Variants in LDLRAD4 observed in about 807,000 individuals in gnomAD.
LDLRAD4 encodes low density lipoprotein receptor class A domain containing 4.
A neutral mutation model predicts 17.0 loss-of-function variants in LDLRAD4; 5 were observed. That is an observed-to-expected ratio of 0.29 (90% confidence interval 0.15 to 0.62). The LOEUF (loss-of-function observed/expected upper bound fraction) is 0.62, where lower values mean the gene tolerates loss of function less well. Ranked by LOEUF, LDLRAD4 falls within the 20% of genes least tolerant of loss-of-function variation. LDLRAD4 has a pLI of 0.84. For missense variants in LDLRAD4, 340 were observed against 424.7 expected, an observed-to-expected ratio of 0.80 and a Z score of 1.75; for synonymous variants, 168 against 171.8, an observed-to-expected ratio of 0.98 and a Z score of 0.17.
chr18:13,246,661 GAA>G (rs1443075830), intron 1 of LDLRAD4, among the ~76,000 whole-genome samples: 2 of 152,238 alleles, frequency 1.3e-5, no homozygotes, highest in African/African-American at 4.8e-5. Flanking sequence ...CATGGGCTTA[GAA>G]TCCCCTGTTT....
chr18:13,270,855 G>A (rs1414314582), intron 1 of LDLRAD4, among the ~76,000 whole-genome samples: 1 of 152,148 alleles, frequency 6.6e-6, no homozygotes, highest in African/African-American at 2.4e-5. Context: ...AAATTAAAAA[G>A]TTATACATGT....
chr18:13,430,404 T>C (rs2090252152), intron 2 of LDLRAD4, among the ~76,000 whole-genome samples: 1 of 152,198 alleles, frequency 6.6e-6, no homozygotes, highest in African/African-American at 2.4e-5. Context: ...CACAGTTGAC[T>C]TTCCATCACT....
At chr18:13,598,989 C>G (rs1177321599) in intron 3 of LDLRAD4, among the ~76,000 whole-genome samples, 2 of 152,218 alleles carry the variant, frequency 1.3e-5, no homozygotes, top group African/African-American at 2.4e-5. Flanking sequence ...TATCATTAGC[C>G]TGCCATTCCT....
intron 2 of LDLRAD4, among the ~76,000 whole-genome samples, chr18:13,426,874 G>A (rs1462805690): frequency 2.0e-5 from 3 of 152,218 alleles, no homozygotes; most frequent in African/African-American, 7.2e-5. Flanking sequence ...CGCCCTATGA[G>A]GTCAGTGAGG....
chr18:13,309,660 T>G (rs2047116765), intron 1 of LDLRAD4, among the ~76,000 whole-genome samples: 1 of 152,182 alleles, frequency 6.6e-6, no homozygotes, highest in African/African-American at 2.4e-5. Flanking sequence ...CCTTGATCAC[T>G]TAAAATAAGA....
At chr18:13,477,096 G>A (rs1251611914) in intron 3 of LDLRAD4, among the ~76,000 whole-genome samples, 4 of 151,810 alleles carry the variant, frequency 2.6e-5, no homozygotes, top group East Asian at 1.9e-4. Context: ...AGTAATTTTG[G>A]TGGAATTTTT....
intron 3 of LDLRAD4, among the ~76,000 whole-genome samples, chr18:13,482,106 C>T (rs547257700): frequency 4.6e-5 from 7 of 152,138 alleles, no homozygotes; most frequent in South Asian, 2.1e-4. Context: ...GGAAGGCCAA[C>T]GCTGCCTTCC....
At chr18:13,611,927 A>G in intron 3 of LDLRAD4, 2 of 985,248 alleles carry the variant, frequency 2.0e-6, no homozygotes, top group Non-Finnish European at 2.4e-6. Context: ...CCAGAAGAGG[A>G]CAGCCCGCAG....
chr18:13,621,302 T>A lies in LDLRAD4; in HGVS notation c.336+31T>A. 1 of 1,571,602 alleles carries A rather than the reference T, an allele frequency of 6.4e-7. No individual in the cohort carries two copies. ...TACCCTGGCCGCCCCGGCTCCAGAG[T>A]CAGGCAGCTGCAAGAGGCTTAGGAG... On this transcript the variant is annotated intron_variant, in intron 4 of 5. Transcript: ENST00000359446. The surrounding 1 kb of genome is among the most constrained non-coding windows in gnomAD (Gnocchi z 5.5).
intron 3 of LDLRAD4, among the ~76,000 whole-genome samples, chr18:13,585,715 C>T (rs1197778018): frequency 3.3e-5 from 5 of 152,162 alleles, no homozygotes; most frequent in African/African-American, 1.2e-4. Flanking sequence ...CAAATGTAAG[C>T]ACAATTGCTA....
At chr18:13,240,124 C>A (rs1376504472) in intron 1 of LDLRAD4, 1 of 152,216 alleles carries the variant, frequency 6.6e-6, no homozygotes, top group Admixed American at 6.5e-5. Context: ...AATAACTAGG[C>A]CAGCATTCTG....
chr18:13,345,871 TGTTTATA>T (rs1201096100), intron 1 of LDLRAD4, among the ~76,000 whole-genome samples: 2 of 152,098 alleles, frequency 1.3e-5, no homozygotes, highest in Non-Finnish European at 2.9e-5. Context: ...TGCATAGAGG[TGTTTATA>T]GTATTCTCTG....
chr18:13,317,148 G>A (rs1035242259), intron 1 of LDLRAD4, among the ~76,000 whole-genome samples: 2 of 152,130 alleles, frequency 1.3e-5, no homozygotes, highest in Admixed American at 1.3e-4. Flanking sequence ...TCAAAGCATC[G>A]GGCATTGCCA....
chr18:13,348,887 T>C (rs145125664), intron 1 of LDLRAD4, among the ~76,000 whole-genome samples: 2,049 of 152,234 alleles, frequency 0.013, 30 homozygotes, highest in Middle Eastern at 0.034. Flanking sequence ...CGGGATATAA[T>C]CTCCTGGTGT....
chr18:13,393,835 T>C (rs543916497), intron 2 of LDLRAD4, among the ~76,000 whole-genome samples: 3 of 152,308 alleles, frequency 2.0e-5, no homozygotes, highest in African/African-American at 7.2e-5. Flanking sequence ...ACACAGTGAC[T>C]GTGAGCCCAC....
At chr18:13,464,978 T>A (rs541687144) in intron 3 of LDLRAD4, 1 of 152,344 alleles carries the variant, frequency 6.6e-6, no homozygotes, top group South Asian at 2.1e-4. Flanking sequence ...GTGCTTCCTG[T>A]CTGCTGTGGC....
intron 4 of LDLRAD4, among the ~76,000 whole-genome samples, chr18:13,640,163 G>A (rs906685146): frequency 6.6e-6 from 1 of 151,838 alleles, no homozygotes; most frequent in Non-Finnish European, 1.5e-5. Context: ...TGTGGTGGCG[G>A]GCGCCTGTAG....
intron 1 of LDLRAD4, among the ~76,000 whole-genome samples, chr18:13,224,438 C>T (rs2041639198): frequency 6.6e-6 from 1 of 151,664 alleles, no homozygotes; most frequent in South Asian, 2.1e-4. Flanking sequence ...CCAGTTCATC[C>T]CAGGACAAAG....
intron 2 of LDLRAD4, among the ~76,000 whole-genome samples, chr18:13,405,483 T>C (rs2087645957): frequency 6.6e-6 from 1 of 152,182 alleles, no homozygotes. Flanking sequence ...AGAGCAGTGA[T>C]GCAATCATAG....
Sources: gnomAD v4.1 joint callset for allele counts (sites outside exome capture counted in the v4.1 genomes callset) on GRCh38, gnomAD v4.1.1 for gene constraint, Gnocchi (gnomAD v3.1) non-coding constraint, MANE v1.5 for transcripts, NCBI Gene and HGNC (gene_info 2026-07-23, HGNC 2026-07-21) for gene names.